Variants in TSC1 observed in about 807,000 individuals in gnomAD.
The protein encoded by TSC1 is TSC complex subunit 1.
TSC1 carries 20 observed loss-of-function variants against 124.3 expected under a neutral mutation model. The observed-to-expected ratio is 0.16, with a 90% confidence interval of 0.11 to 0.23. The LOEUF is 0.23. Among genes scored for constraint, TSC1 ranks in the 10% least tolerant of loss-of-function variants. The pLI is 1.00. For synonymous variants in TSC1, 493 were observed against 539.1 expected (o/e 0.91, Z 1.19); for missense variants, 1,124 against 1,448.5 (o/e 0.78, Z 3.64).
chr9:132,895,247 G>A lies in TSC1; in HGVS notation c.*988C>T, dbSNP rs921636386. On this transcript the variant is annotated 3_prime_UTR_variant, in exon 23 of 23. Coordinates refer to ENST00000298552, the MANE Select transcript of TSC1 (RefSeq NM_000368.5). The stretch of plus-strand genomic sequence containing the variant: ...TGCAGAAACTCTTTGGACCTTCAGA[G>A]CCTTTCTGCTGCAGTGTCACATATA... 12 of 233,294 alleles carry A rather than the reference G, an allele frequency of 5.1e-5. No individual in the cohort carries two copies. Among genetic ancestry groups the A allele is most frequent in the Non-Finnish European group, 8.5e-5 (10 of 117,902 alleles). 14.5% of individuals were successfully genotyped at this position (233,294 alleles called of 1,614,324 possible). A position where few individuals can be genotyped will look rare whatever the true frequency, so the allele number is the denominator to read the frequency against.
chr9:132,898,546 TC>T (rs1478191045), intron 20 of TSC1, among the ~76,000 whole-genome samples: 2 of 152,236 alleles, frequency 1.3e-5, no homozygotes, highest in African/African-American at 4.8e-5. Context: ...TGATTGAAAC[TC>T]AGAACTGGCT....
intron 20 of TSC1, among the ~76,000 whole-genome samples, chr9:132,898,421 TTTG>T (rs1845200073): frequency 6.6e-6 from 1 of 152,216 alleles, no homozygotes; most frequent in African/African-American, 2.4e-5. Flanking sequence ...TTGCCATATA[TTTG>T]TTTTTTAAAA....
chr9:132,915,976 CAT>C (rs1385013802), intron 8 of TSC1, among the ~76,000 whole-genome samples: 9 of 152,130 alleles, frequency 5.9e-5, no homozygotes, highest in East Asian at 1.9e-4. Flanking sequence ...CGTTAGGACA[CAT>C]GTGTACACAC....
Position 132,901,989 on chromosome 9 carries a change from T to A in TSC1, c.2392-290A>T. The stretch of plus-strand genomic sequence containing the variant: ...ACTCACAGGGATGCTGCAGAAAGAT[T>A]CTGAATTTTCGAGGGAGACGCAGCG... On this transcript the variant is annotated intron_variant, in intron 18 of 22. Coordinates refer to ENST00000298552, the MANE Select transcript of TSC1 (RefSeq NM_000368.5). The A allele has an allele frequency of 8.2e-6, 3 of 364,004 alleles. No individual in the cohort carries two copies. The South Asian group carries it at 1.3e-4, about 16-fold the overall frequency. The allele number at this position is 364,004 out of a possible 1,614,324, so 22.5% of individuals were successfully genotyped here. A position where few individuals can be genotyped will look rare whatever the true frequency, so the allele number is the denominator to read the frequency against.
intron 1 of TSC1, chr9:132,941,200 T>C (rs1847719895): frequency 6.6e-6 from 1 of 152,228 alleles, no homozygotes; most frequent in Admixed American, 6.5e-5. Flanking sequence ...TATTGTTATC[T>C]TTTGCTGATT....
chr9:132,925,484 A>T, intron 5 of TSC1, 103 bp downstream of exon 5: 1 of 1,465,764 alleles, frequency 6.8e-7, no homozygotes, highest in Non-Finnish European at 9.4e-7. Flanking sequence ...AGAAGGTTTT[A>T]AACTCTAAAA....
chr9:132,943,095 G>A (rs1052226574), intron 1 of TSC1, among the ~76,000 whole-genome samples: 15 of 152,038 alleles, frequency 9.9e-5, no homozygotes, highest in Admixed American at 6.6e-4. Flanking sequence ...CCACTTTGCC[G>A]GCCTGTTTGA....
In TSC1 at chr9:132,905,701, T is replaced by G; in HGVS notation, c.1877A>C (p.Glu626Ala). ...AHHFVIRKTE[E>A]LLKKAKGNTE... ...GTTTCCTTTTGCTTTCTTTAACAGCTCCTCAGTCTTCCTGATGACAAAATG... is the reference window on the plus strand; with the variant it reads ...GTTTCCTTTTGCTTTCTTTAACAGCGCCTCAGTCTTCCTGATGACAAAATG... The change falls in exon 15 of 23, where the codon GAG (glutamate) becomes GCG (alanine). Residue 626 changes from glutamate (E) to alanine (A), a missense_variant. Physicochemically the swap from Glu to Ala is moderately radical, Grantham distance 107 (BLOSUM62 -1). Around this residue, in one of 5 missense-constraint regions of TSC1, gnomAD observed 321 missense variants for 397.4 expected, o/e 0.81. Coordinates refer to ENST00000298552, the MANE Select transcript of TSC1 (RefSeq NM_000368.5). 6.2e-7 allele frequency: 1 copy of G among 1,614,192 alleles called. No individual in the cohort carries two copies. The highest frequency in any genetic ancestry group is 8.5e-7 in the Non-Finnish European group (1 of 1,180,040).
chr9:132,906,332 G>A lies in TSC1; in HGVS notation c.1439-193C>T. 1 of 680,170 alleles carries A rather than the reference G, an allele frequency of 1.5e-6. No individual in the cohort carries two copies. 42.1% of individuals were successfully genotyped at this position (680,170 alleles called of 1,614,324 possible). A position where few individuals can be genotyped will look rare whatever the true frequency, so the allele number is the denominator to read the frequency against. ...AGGCTGAGGAGGGAGGATCACTTGA[G>A]CCCAGGAGTTAGAGACCAGCCTGGA... is the stretch of plus-strand genomic sequence containing the variant. On this transcript the variant is annotated intron_variant, in intron 14 of 22. Coordinates refer to ENST00000298552, the MANE Select transcript of TSC1 (RefSeq NM_000368.5). The surrounding 1 kb of genome is among the most constrained non-coding windows in gnomAD (Gnocchi z 4.1).
At position 132,897,440 on chromosome 9, in the gene TSC1, A is replaced by G. The variant is rs766871150; in HGVS notation, c.2796T>C (p.Asp932=). ...AAAGTTACCTTGCCTGGAGTTTGAC[A>G]TCCTCTAGATATTTCTTCTGTTCCA... ...LLLEQKKYLE[D]VKLQARGQLQ... Residue 932 remains aspartate (D), a synonymous_variant, in exon 21 of 23, where the codon GAT becomes GAC. Transcript: ENST00000298552. The G allele has an allele frequency of 1.9e-6, 3 of 1,614,068 alleles. No homozygotes were observed. Among genetic ancestry groups the G allele is most frequent in the African/African-American group, 2.7e-5 (2 of 74,928 alleles).
intron 16 of TSC1, among the ~76,000 whole-genome samples, chr9:132,904,023 A>G (rs1253918785): frequency 2.0e-5 from 3 of 152,112 alleles, no homozygotes; most frequent in East Asian, 1.9e-4. Context: ...GCAAAAGGTC[A>G]TATCATGTGG....
intron 1 of TSC1, chr9:132,944,165 G>T: frequency 6.3e-6 from 1 of 159,732 alleles, no homozygotes; most frequent in Non-Finnish European, 1.4e-5. Context: ...CCCGCCAAGC[G>T]TCTCTACCCT....
Position 132,910,716 on chromosome 9 carries a change from T to C in TSC1, c.1142-24A>G, listed in dbSNP as rs756836866. On this transcript the variant is annotated intron_variant, in intron 11 of 22. Transcript: ENST00000298552. ...TGCTTAGAGACAAGGGCAGAACATA[T>C]ATGAACACTGAGCCCAACTATTAGA... The C allele has an allele frequency of 5.0e-6, 8 of 1,612,874 alleles. No individual in the cohort carries two copies. In the South Asian group the frequency reaches 6.6e-5, roughly 13 times the overall value.
rs1564479424 is a variant in TSC1, at chr9:132,904,405, CT to C, written c.2041+5del. The stretch of plus-strand genomic sequence containing the variant: ...GCTGGATTTGGAGCTAAAGTAACAA[CT>C]TTACCTCCAAAGTGGGTCCAGTCGA... On this transcript the variant is annotated splice_donor_5th_base_variant and intron_variant, in intron 16 of 22. Coordinates refer to ENST00000298552, the MANE Select transcript of TSC1 (RefSeq NM_000368.5). 1.9e-6 allele frequency: 3 copies of C among 1,613,992 alleles called. No individual in the cohort carries two copies. The highest frequency in any genetic ancestry group is 1.7e-6 in the Non-Finnish European group (2 of 1,179,980).
chr9:132,927,407 T>C, intron 3 of TSC1, 103 bp from the exon 4 acceptor site: 1 of 1,074,096 alleles, frequency 9.3e-7, no homozygotes, highest in South Asian at 1.4e-5. Context: ...TTTCTTTATA[T>C]GCTATTCTAA....
At chr9:132,908,262 C>T (rs11243933) in intron 12 of TSC1, among the ~76,000 whole-genome samples, 23,845 of 152,068 alleles carry the variant, frequency 0.16, 1,976 homozygotes, top group African/African-American at 0.21. Flanking sequence ...CTATATTTCC[C>T]GAAATAAAAA....
At chr9:132,914,076 TTTTAGTAGAGA>T (rs1433390124) in intron 8 of TSC1, among the ~76,000 whole-genome samples, 2 of 151,568 alleles carry the variant, frequency 1.3e-5, no homozygotes, top group Non-Finnish European at 2.9e-5. Flanking sequence ...TTTTTTGTAT[TTTTAGTAGAGA>T]TGGGGTTTCA....
chr9:132,927,055 T>C (rs570608707), intron 4 of TSC1, 146 bp downstream of exon 4: 21 of 762,542 alleles, frequency 2.8e-5, no homozygotes, highest in Non-Finnish European at 4.3e-5. Flanking sequence ...GTAATTTTTA[T>C]ATGTAGTTAT....
chr9:132,907,185 C>G, intron 13 of TSC1, 116 bp downstream of exon 13: 1 of 836,922 alleles, frequency 1.2e-6, no homozygotes, highest in Non-Finnish European at 2.0e-6. Context: ...TATGTTTAGG[C>G]CTCAGTATTT....
Sources: allele counts gnomAD v4.1 joint callset (sites outside exome capture counted in the v4.1 genomes callset), GRCh38; gene constraint gnomAD v4.1.1; regional missense constraint gnomAD v4.1.1; non-coding constraint Gnocchi (gnomAD v3.1); transcripts MANE v1.5; gene names NCBI Gene and HGNC (gene_info 2026-07-23, HGNC 2026-07-21).